Variants in LRRC42 observed in about 807,000 individuals in gnomAD.
LRRC42 encodes leucine-rich repeat-containing protein 42.
LRRC42 carries 43 observed loss-of-function variants against 44.3 expected under a neutral mutation model. The observed-to-expected ratio is 0.97, with a 90% CI of 0.76 to 1.25. The LOEUF is 1.25. LRRC42 is among the 50% of genes most tolerant of loss of function. LRRC42 has a pLI of 0.00. For missense variants in LRRC42, 540 were observed against 509.1 expected, an observed-to-expected ratio of 1.06 and a Z score of -0.58; for synonymous variants, 207 against 195.2, an observed-to-expected ratio of 1.06 and a Z score of -0.50.
At chr1:53,959,781 T>C (rs1252681185) in intron 4 of LRRC42, among the ~76,000 whole-genome samples, 1 of 152,242 alleles carries the variant, frequency 6.6e-6, no homozygotes, top group African/African-American at 2.4e-5. Context: ...AGCTTTTGTT[T>C]TAAAGTATAT....
intron 3 of LRRC42, among the ~76,000 whole-genome samples, chr1:53,953,061 A>G (rs1396982650): frequency 6.6e-6 from 1 of 152,226 alleles, no homozygotes; most frequent in African/African-American, 2.4e-5. Flanking sequence ...CAAAACATCT[A>G]ATTTTTTAAA....
intron 4 of LRRC42, among the ~76,000 whole-genome samples, chr1:53,959,207 A>G (rs1263393068): frequency 6.6e-5 from 10 of 152,204 alleles, no homozygotes; most frequent in East Asian, 1.9e-4. Context: ...ATAGTCAACA[A>G]TCATTATCGT....
At chr1:53,947,383 G>A (rs567571173) in intron 1 of LRRC42, among the ~76,000 whole-genome samples, 10 of 152,216 alleles carry the variant, frequency 6.6e-5, no homozygotes, top group Admixed American at 2.6e-4. Flanking sequence ...AAAGGGTATG[G>A]GTGAGAAGGC....
intron 4 of LRRC42, among the ~76,000 whole-genome samples, chr1:53,959,885 C>G (rs1654947690): frequency 6.6e-6 from 1 of 151,828 alleles, no homozygotes; most frequent in Non-Finnish European, 1.5e-5. Context: ...ACTAAATTAA[C>G]TCTCACTTGG....
chr1:53,963,949 C>CG lies in LRRC42; in HGVS notation c.927+1540_927+1541insG, dbSNP rs200002300. Among the ~76,000 whole-genome samples the CG allele has an allele frequency of 8.0e-4, 81 of 100,632 alleles. 2 individuals are homozygous for CG. Among genetic ancestry groups the CG allele is most frequent in the Non-Finnish European group, 1.2e-3 (64 of 55,384 alleles). The allele number at this position is 100,632 out of a possible 152,430, so 66.0% of individuals were successfully genotyped here. On this transcript the variant is annotated intron_variant, in intron 7 of 8. Transcript: ENST00000371370. The stretch of plus-strand genomic sequence containing the variant: ...ATAATTATTTTCCCCTCCTGCCCAC[C>CG]CCCCCCCCATCTTCATTGTCCCCCT...
chr1:53,966,078 G>A (rs893865886), intron 7 of LRRC42, among the ~76,000 whole-genome samples: 1 of 152,200 alleles, frequency 6.6e-6, no homozygotes, highest in Non-Finnish European at 1.5e-5. Flanking sequence ...TAGTCATGCA[G>A]ATACATATAT....
At position 53,962,344 on chromosome 1, in the gene LRRC42, C is replaced by T. The variant is rs1347973912; in HGVS notation, c.862C>T (p.His288Tyr). Residue 288 changes from histidine to tyrosine, a missense_variant, in exon 7 of 9, where the codon CAC (histidine) becomes TAC (tyrosine). Coordinates refer to ENST00000371370, the MANE Select transcript of LRRC42 (RefSeq NM_001256409.2). ...GCTCCAGACCCACATAGGCCTTGTT[C>T]ACTCCAAAGTGCCTTTGAAGGAATT... ...HKLQTHIGLV[H>Y]SKVPLKEFDH... 3 of 1,614,206 alleles carry T rather than the reference C, an allele frequency of 1.9e-6. No individual in the cohort carries two copies. Among genetic ancestry groups the T allele is most frequent in the Admixed American group, 1.7e-5 (1 of 60,032 alleles).
intron 3 of LRRC42, 22 bp downstream of exon 3, chr1:53,952,494 T>A: frequency 6.4e-7 from 1 of 1,556,566 alleles, no homozygotes; most frequent in Non-Finnish European, 8.7e-7. Flanking sequence ...GATTAGATTA[T>A]TCGGTATTTT....
At chr1:53,958,966 A>G (rs1654923656) in intron 4 of LRRC42, among the ~76,000 whole-genome samples, 2 of 151,442 alleles carry the variant, frequency 1.3e-5, no homozygotes, top group Admixed American at 1.3e-4. Context: ...GCCCACTGCA[A>G]CCTCCACCTC....
At chr1:53,952,582 A>C (rs1654724780) in intron 3 of LRRC42, 110 bp downstream of exon 3, 3 of 830,702 alleles carry the variant, frequency 3.6e-6, no homozygotes, top group Admixed American at 3.0e-5. Flanking sequence ...ACTTCAGTTT[A>C]GAACTTCCAA....
intron 3 of LRRC42, 57 bp from the exon 4 acceptor site, chr1:53,958,092 T>G: frequency 6.2e-7 from 1 of 1,602,990 alleles, no homozygotes; most frequent in South Asian, 1.1e-5. Flanking sequence ...AATCCACAAA[T>G]GGTAATGCTT....
Position 53,955,789 on chromosome 1 carries a change from C to T in LRRC42, c.474-2360C>T, listed in dbSNP as rs574786475. 1.9e-3 allele frequency among the ~76,000 whole-genome samples: 289 copies of T among 152,012 alleles called. 1 individual carries two copies. Among genetic ancestry groups the T allele is most frequent in the African/African-American group, 6.6e-3 (275 of 41,430 alleles). On this transcript the variant is annotated intron_variant, in intron 3 of 8. Transcript: ENST00000371370. ...GACTACAGGTGCCCACCACCACGCC[C>T]GGCTGATTTTTTGTATTTTTAGTAG...
intron 2 of LRRC42, among the ~76,000 whole-genome samples, chr1:53,949,769 C>T (rs772454232): frequency 1.3e-5 from 2 of 152,144 alleles, no homozygotes; most frequent in South Asian, 4.1e-4. Context: ...CTTGTAGTAC[C>T]AGTAGCAATA....
chr1:53,962,490 C>T (rs1334143642), intron 7 of LRRC42, 81 bp downstream of exon 7: 1 of 852,368 alleles, frequency 1.2e-6, no homozygotes, highest in African/African-American at 1.7e-5. Flanking sequence ...ATTGAATAAA[C>T]AGTAATCCAC....
At chr1:53,948,185 T>G (rs923626059) in intron 2 of LRRC42, among the ~76,000 whole-genome samples, 4 of 152,242 alleles carry the variant, frequency 2.6e-5, no homozygotes, top group African/African-American at 9.6e-5. Context: ...TTAGGGGATT[T>G]TTATCTTACT....
At chr1:53,954,457 G>C (rs530113297) in intron 3 of LRRC42, among the ~76,000 whole-genome samples, 11 of 152,238 alleles carry the variant, frequency 7.2e-5, no homozygotes, top group Admixed American at 3.3e-4. Flanking sequence ...AGTTGTTTAT[G>C]TTCATTGTAG....
At chr1:53,962,236 G>A (rs548351868) in intron 6 of LRRC42, 60 bp from the exon 7 acceptor site, 41 of 1,478,230 alleles carry the variant, frequency 2.8e-5, no homozygotes, top group Non-Finnish European at 3.5e-5. Context: ...ATTTACTACT[G>A]AAAACAAGTA....
intron 2 of LRRC42, among the ~76,000 whole-genome samples, chr1:53,950,259 A>G (rs999868100): frequency 6.6e-6 from 1 of 152,246 alleles, no homozygotes; most frequent in Non-Finnish European, 1.5e-5. Context: ...AAGGGAACAG[A>G]ACGAGCAATG....
At chr1:53,956,045 C>G (rs1394755530) in intron 3 of LRRC42, among the ~76,000 whole-genome samples, 1 of 152,134 alleles carries the variant, frequency 6.6e-6, no homozygotes, top group African/African-American at 2.4e-5. Flanking sequence ...TCCTTAAAGG[C>G]AAATAGAGGG....
Sources: allele counts gnomAD v4.1 joint callset (sites outside exome capture counted in the v4.1 genomes callset), GRCh38; gene constraint gnomAD v4.1.1; transcripts MANE v1.5; gene names NCBI Gene and HGNC (gene_info 2026-07-23, HGNC 2026-07-21).